Variants in SMURF2 observed in about 807,000 individuals in gnomAD.
SMURF2 encodes E3 ubiquitin-protein ligase SMURF2.
In SMURF2, 48 loss-of-function variants were observed where a neutral mutation model predicts 109.6. The ratio of observed to expected loss-of-function variants is 0.44; its 90% CI spans 0.35 to 0.56. SMURF2 has a LOEUF of 0.56. SMURF2 is among the 20% of genes least tolerant of loss of function. The probability of loss-of-function intolerance (pLI) is 0.01; values close to 1 mark genes in which losing one functional copy is unlikely to be tolerated. For synonymous variants in SMURF2, 288 were observed against 317.1 expected (o/e 0.91, Z 0.97); for missense variants, 575 against 909.0 (o/e 0.63, Z 4.72).
intron 18 of SMURF2, 85 bp downstream of exon 18, chr17:64,546,178 A>G: frequency 7.7e-7 from 1 of 1,297,574 alleles, no homozygotes; most frequent in Non-Finnish European, 1.1e-6. Flanking sequence ...TAACACTAGT[A>G]AGTACAATAA....
chr17:64,590,978 G>T, intron 5 of SMURF2, 106 bp downstream of exon 5: 4 of 683,834 alleles, frequency 5.8e-6, no homozygotes, highest in South Asian at 2.7e-5. Flanking sequence ...ATTTAATTCA[G>T]GCCAACACAA....
intron 18 of SMURF2, 50 bp downstream of exon 18, chr17:64,546,213 C>T (rs1555683092): frequency 3.8e-6 from 6 of 1,563,146 alleles, no homozygotes; most frequent in African/African-American, 1.4e-5. Flanking sequence ...CTGTTTGGAA[C>T]TAACACTTAT....
chr17:64,547,952 T>C lies in SMURF2; in HGVS notation c.1870-151A>G, dbSNP rs1274734080. ...AGAATCATCTGAAAAGCTTTTCAAA[T>C]TGACATTCCAGGTCCTAGGCTCAGA... On this transcript the variant is annotated intron_variant, in intron 16 of 18. Coordinates refer to ENST00000262435, the MANE Select transcript of SMURF2 (RefSeq NM_022739.4). This position sits in a 1 kb window ranked among gnomAD's most constrained non-coding sequence, Gnocchi z 4.2. The C allele has an allele frequency of 1.5e-6, 1 of 670,170 alleles. No individual in the cohort carries two copies. The highest frequency in any genetic ancestry group is 2.5e-6 in the Non-Finnish European group (1 of 393,236). The allele number at this position is 670,170 out of a possible 1,614,324, so 41.5% of individuals were successfully genotyped here. A position where few individuals can be genotyped will look rare whatever the true frequency, so the allele number is the denominator to read the frequency against.
intron 18 of SMURF2, 124 bp from the exon 19 acceptor site, chr17:64,546,071 A>G (rs887889260): frequency 7.0e-5 from 60 of 855,212 alleles, no homozygotes; most frequent in Non-Finnish European, 1.1e-4. Context: ...ATTTCTCTAA[A>G]ACAGAGATGA....
At chr17:64,635,817 G>A (rs556763867) in intron 1 of SMURF2, among the ~76,000 whole-genome samples, 2 of 152,240 alleles carry the variant, frequency 1.3e-5, no homozygotes, top group South Asian at 2.1e-4. Context: ...TATGTTTTCA[G>A]TTCTCTTATG....
At chr17:64,619,426 C>T (rs935301098) in intron 1 of SMURF2, among the ~76,000 whole-genome samples, 2 of 136,340 alleles carry the variant, frequency 1.5e-5, no homozygotes, top group Admixed American at 8.6e-5. Context: ...TCCCGTGAGC[C>T]GAGATCATAC....
intron 7 of SMURF2, among the ~76,000 whole-genome samples, chr17:64,582,275 G>A (rs1365185062): frequency 2.0e-5 from 3 of 152,170 alleles, no homozygotes; most frequent in African/African-American, 7.2e-5. Context: ...ATAAAAGTAG[G>A]TGCAGCTAAT....
chr17:64,602,784 C>T (rs1209876326), intron 2 of SMURF2, among the ~76,000 whole-genome samples: 1 of 151,956 alleles, frequency 6.6e-6, no homozygotes, highest in African/African-American at 2.4e-5. Context: ...AAAAATTAGC[C>T]GGGTGTGGTG....
At chr17:64,577,636 T>C (rs1211618110) in intron 9 of SMURF2, among the ~76,000 whole-genome samples, 2 of 149,106 alleles carry the variant, frequency 1.3e-5, no homozygotes, top group Non-Finnish European at 3.0e-5. Flanking sequence ...TGCTCTGTCA[T>C]CCAGGCTGGA....
At chr17:64,619,684 T>C (rs1409453521) in intron 1 of SMURF2, among the ~76,000 whole-genome samples, 5 of 152,112 alleles carry the variant, frequency 3.3e-5, no homozygotes, top group Admixed American at 2.6e-4. Flanking sequence ...TACTCCCACC[T>C]TCTCCCTGTA....
At chr17:64,579,526 TAC>T (rs1328422875) in intron 8 of SMURF2, among the ~76,000 whole-genome samples, 1 of 152,202 alleles carries the variant, frequency 6.6e-6, no homozygotes, top group African/African-American at 2.4e-5. Context: ...GTTTTGGTTG[TAC>T]AGTTTTTAAA....
intron 15 of SMURF2, among the ~76,000 whole-genome samples, chr17:64,553,377 G>A (rs142626233): frequency 0.01 from 1,534 of 151,954 alleles, 9 homozygotes; most frequent in Non-Finnish European, 0.016. Context: ...GTGGTTGTGC[G>A]TACCTGTACT....
chr17:64,593,354 T>A (rs544680787), intron 4 of SMURF2, 86 bp downstream of exon 4: 7 of 1,133,324 alleles, frequency 6.2e-6, no homozygotes, highest in Non-Finnish European at 8.3e-6. Flanking sequence ...ACATATATAG[T>A]GCATGTATAT....
chr17:64,558,803 T>G (rs1221289449), intron 12 of SMURF2, among the ~76,000 whole-genome samples: 1 of 152,230 alleles, frequency 6.6e-6, no homozygotes, highest in African/African-American at 2.4e-5. Flanking sequence ...ACTTTGGAAA[T>G]TCACTAGTCT....
chr17:64,631,973 G>GGA, intron 1 of SMURF2, among the ~76,000 whole-genome samples: 1 of 141,168 alleles, frequency 7.1e-6, no homozygotes, highest in Non-Finnish European at 1.6e-5. Flanking sequence ...GGGGGGGGGG[G>GGA]GGGGGGGTGG....
intron 1 of SMURF2, among the ~76,000 whole-genome samples, chr17:64,614,337 TAC>T (rs1258984370): frequency 6.6e-6 from 1 of 152,240 alleles, no homozygotes; most frequent in African/African-American, 2.4e-5. Context: ...TATACTGGAC[TAC>T]AGATATTTAG....
At chr17:64,571,078 G>T (rs191407529) in intron 10 of SMURF2, among the ~76,000 whole-genome samples, 1 of 152,276 alleles carries the variant, frequency 6.6e-6, no homozygotes, top group East Asian at 1.9e-4. Flanking sequence ...CACATGCCTG[G>T]CCTTACCAAC....
intron 15 of SMURF2, among the ~76,000 whole-genome samples, chr17:64,552,894 A>C (rs1969065694): frequency 6.6e-6 from 1 of 151,964 alleles, no homozygotes; most frequent in Non-Finnish European, 1.5e-5. Context: ...AGTAGAGACA[A>C]GGTTTCACAA....
At chr17:64,651,116 G>C (rs1317132182) in intron 1 of SMURF2, among the ~76,000 whole-genome samples, 4 of 152,062 alleles carry the variant, frequency 2.6e-5, no homozygotes, top group African/African-American at 9.7e-5. Context: ...AGAATCACTT[G>C]AACCCAGGAG....
Sources: allele counts gnomAD v4.1 joint callset (sites outside exome capture counted in the v4.1 genomes callset), GRCh38; gene constraint gnomAD v4.1.1; non-coding constraint Gnocchi (gnomAD v3.1); transcripts MANE v1.5; gene names NCBI Gene and HGNC (gene_info 2026-07-23, HGNC 2026-07-21).